GP2: variants seen among roughly 807,000 people sequenced by gnomAD.
The protein encoded by GP2 is glycoprotein 2.
A neutral mutation model predicts 60.8 loss-of-function variants in GP2; 58 were observed. The ratio of observed to expected loss-of-function variants is 0.95; its 90% CI spans 0.77 to 1.19. The LOEUF (loss-of-function observed/expected upper bound fraction) is 1.19. Ranked by LOEUF, GP2 falls within the 50% of genes most tolerant of loss-of-function variation. The pLI is 0.00. For missense variants in GP2, 647 were observed against 667.4 expected, an observed-to-expected ratio of 0.97 and a Z score of 0.34; for synonymous variants, 280 against 253.4, an observed-to-expected ratio of 1.10 and a Z score of -1.00.
At chr16:20,311,360 C>T in intron 10 of GP2, 79 bp from the exon 11 acceptor site, 1 of 848,810 alleles carries the variant, frequency 1.2e-6, no homozygotes, top group East Asian at 2.4e-5. Context: ...CTTTGTCTTT[C>T]ACAACACAAG....
At position 20,318,257 on chromosome 16, in the gene GP2, A is replaced by G. The variant is rs1324244126; in HGVS notation, c.1181T>C (p.Val394Ala). 6.2e-7 allele frequency: 1 copy of G among 1,611,720 alleles called. No individual in the cohort carries two copies. Among genetic ancestry groups the G allele is most frequent in the African/African-American group, 1.3e-5 (1 of 74,876 alleles). Residue 394 changes from valine (V) to alanine (A), a missense_variant, in exon 7 of 11, where the codon GTG (valine) becomes GCG (alanine). Physicochemically the swap from Val to Ala is moderately conservative, Grantham distance 64 (BLOSUM62 0). Coordinates refer to ENST00000302555, the MANE Select transcript of GP2 (RefSeq NM_001502.4). Reference sequence around the variant, plus strand: ...GGGGGTGGCATAGCAGTTCCTCAACACCAGGTTAAACCGGGAGGTGTCCCC... The same window carrying G: ...GGGGGTGGCATAGCAGTTCCTCAACGCCAGGTTAAACCGGGAGGTGTCCCC... Reference protein sequence around the residue: ...EQGDTSRFNLVLRNCYATPTE... With the variant: ...EQGDTSRFNLALRNCYATPTE...
intron 10 of GP2, 123 bp from the exon 11 acceptor site, chr16:20,311,404 C>T (rs1963992747): frequency 1.5e-6 from 1 of 681,848 alleles, no homozygotes; most frequent in Non-Finnish European, 2.7e-6. Flanking sequence ...GATATCTGGC[C>T]TAGTTATAGT....
At chr16:20,322,022 A>T (rs1346377846) in intron 4 of GP2, among the ~76,000 whole-genome samples, 1 of 152,216 alleles carries the variant, frequency 6.6e-6, no homozygotes, top group East Asian at 1.9e-4. Context: ...GTCTTCAAGG[A>T]GATCAAGGTT....
chr16:20,316,110 A>G, intron 8 of GP2, 70 bp from the exon 9 acceptor site: 2 of 967,744 alleles, frequency 2.1e-6, no homozygotes, highest in Non-Finnish European at 1.7e-6. Context: ...TGCTCCTACA[A>G]TGGGCAGCTC....
chr16:20,316,082 C>T, intron 8 of GP2, 42 bp from the exon 9 acceptor site: 2 of 1,286,262 alleles, frequency 1.6e-6, no homozygotes, highest in Non-Finnish European at 2.3e-6. Context: ...AATTTAAATG[C>T]CTGGATTCTA....
chr16:20,322,528 T>G (rs1208721908), intron 4 of GP2, among the ~76,000 whole-genome samples: 1 of 152,190 alleles, frequency 6.6e-6, no homozygotes, highest in South Asian at 2.1e-4. Flanking sequence ...AGTCTGCCCA[T>G]GTCCCTGACA....
chr16:20,312,214 T>C (rs1009494627), intron 10 of GP2, among the ~76,000 whole-genome samples: 2 of 152,210 alleles, frequency 1.3e-5, no homozygotes, highest in Non-Finnish European at 1.5e-5. Context: ...TCCCAGATGA[T>C]AATGGTCTTG....
intron 7 of GP2, 76 bp downstream of exon 7, chr16:20,318,109 G>A: frequency 2.5e-6 from 3 of 1,196,824 alleles, no homozygotes; most frequent in Non-Finnish European, 1.2e-6. Context: ...TTACACGTCT[G>A]CTGGGGATGG....
chr16:20,319,585 G>A (rs764302403), intron 6 of GP2, 35 bp downstream of exon 6: 2 of 1,538,502 alleles, frequency 1.3e-6, no homozygotes, highest in Non-Finnish European at 9.0e-7. Flanking sequence ...CTATTGCCAG[G>A]GTTATGGGTC....
At chr16:20,327,432 G>A in intron 1 of GP2, 35 bp downstream of exon 1, 2 of 1,258,374 alleles carry the variant, frequency 1.6e-6, no homozygotes, top group Non-Finnish European at 2.1e-6. Context: ...CCCAGGATTA[G>A]GAGGAAGCCT....
chr16:20,323,024 G>T, intron 3 of GP2, 45 bp from the exon 4 acceptor site: 1 of 1,159,876 alleles, frequency 8.6e-7, no homozygotes, highest in Non-Finnish European at 1.3e-6. Context: ...TGCAGTGCGG[G>T]CTGGACTTGA....
chr16:20,313,353 A>G (rs1964056164), intron 10 of GP2, among the ~76,000 whole-genome samples: 1 of 152,046 alleles, frequency 6.6e-6, no homozygotes, highest in Non-Finnish European at 1.5e-5. Flanking sequence ...TCAAAACCCC[A>G]TTCAGATGTT....
In GP2 at chr16:20,318,568, T is replaced by G. The variant is rs567423782; in HGVS notation, c.1008-138A>C. On this transcript the variant is annotated intron_variant, in intron 6 of 10. Coordinates refer to ENST00000302555, the MANE Select transcript of GP2 (RefSeq NM_001502.4). Reference sequence around the variant, plus strand: ...GAACTAGTCAATCAGTCGTTTAAACTGAGCATTTATTAGCTTCTAGGCACT... The same window carrying G: ...GAACTAGTCAATCAGTCGTTTAAACGGAGCATTTATTAGCTTCTAGGCACT... 4.1e-6 allele frequency: 3 copies of G among 738,608 alleles called. No homozygotes were observed. In the South Asian group the frequency reaches 5.3e-5, roughly 13 times the overall value. The allele number at this position is 738,608 out of a possible 1,614,324, so 45.8% of individuals were successfully genotyped here. A position where few individuals can be genotyped will look rare whatever the true frequency, so the allele number is the denominator to read the frequency against.
rs1318690198 is a variant in GP2, at chr16:20,320,486, G to A, written c.647-13C>T. 6.3e-6 allele frequency: 10 copies of A among 1,582,954 alleles called. No individual in the cohort carries two copies. In the East Asian group the frequency reaches 1.3e-4, roughly 21 times the overall value. On this transcript the variant is annotated splice_polypyrimidine_tract_variant and intron_variant, in intron 4 of 10. Transcript: ENST00000302555. ...AAACTGTGGACATCTGCAAAGCAGA[G>A]ATGAAGGCAAGTAGAATGGACATGA...
At chr16:20,319,316 G>A (rs757078917) in intron 6 of GP2, among the ~76,000 whole-genome samples, 9 of 152,282 alleles carry the variant, frequency 5.9e-5, no homozygotes, top group Admixed American at 3.3e-4. Context: ...TCCTCAAGGT[G>A]AATGAACTTT....
intron 2 of GP2, among the ~76,000 whole-genome samples, chr16:20,325,269 C>T (rs8046269): frequency 0.53 from 80,781 of 152,046 alleles, 21,915 homozygotes; most frequent in East Asian, 0.86. Flanking sequence ...TCCGTTCCTA[C>T]GCTTTGGGTC....
chr16:20,318,258 C>G lies in GP2; in HGVS notation c.1180G>C (p.Val394Leu). 4.3e-6 allele frequency: 7 copies of G among 1,612,618 alleles called. No homozygotes were observed. The highest frequency in any genetic ancestry group is 5.9e-6 in the Non-Finnish European group (7 of 1,178,622). ...EQGDTSRFNL[V>L]LRNCYATPTE... Reference sequence around the variant, plus strand: ...GGGGTGGCATAGCAGTTCCTCAACACCAGGTTAAACCGGGAGGTGTCCCCT... The same window carrying G: ...GGGGTGGCATAGCAGTTCCTCAACAGCAGGTTAAACCGGGAGGTGTCCCCT... The change falls in exon 7 of 11, where the codon GTG becomes CTG. Residue 394 changes from valine (V) to leucine (L), a missense_variant. Physicochemically the swap from Val to Leu is conservative, Grantham distance 32. Coordinates refer to ENST00000302555, the MANE Select transcript of GP2 (RefSeq NM_001502.4).
intron 5 of GP2, 35 bp downstream of exon 5, chr16:20,320,227 T>C (rs993137088): frequency 2.0e-6 from 3 of 1,470,008 alleles, no homozygotes; most frequent in Admixed American, 3.3e-5. Flanking sequence ...GCCCAACACA[T>C]ACCTTCTGGC....
At position 20,316,051 on chromosome 16, in the gene GP2, G is replaced by C; in HGVS notation, c.1417-11C>G. On this transcript the variant is annotated splice_polypyrimidine_tract_variant and intron_variant, in intron 8 of 10. Transcript: ENST00000302555. ...ACTTCTTGAGCAAGACTGTAGGGAT[G>C]ATGAACTTTTATTATATCAAAATTT... 1 of 1,571,824 alleles carries C rather than the reference G, an allele frequency of 6.4e-7. No homozygotes were observed. Among genetic ancestry groups the C allele is most frequent in the Non-Finnish European group, 8.8e-7 (1 of 1,141,448 alleles).
Sources: gnomAD v4.1 joint callset for allele counts (sites outside exome capture counted in the v4.1 genomes callset) on GRCh38, gnomAD v4.1.1 for gene constraint, MANE v1.5 for transcripts, NCBI Gene and HGNC (gene_info 2026-07-23, HGNC 2026-07-21) for gene names.